HK2: variants seen among roughly 807,000 people sequenced by gnomAD.
The protein encoded by HK2 is hexokinase 2.
In HK2, 42 loss-of-function variants were observed where a neutral mutation model predicts 92.9. That is an observed-to-expected ratio of 0.45 (90% confidence interval 0.35 to 0.58). The LOEUF is 0.58. Ranked by LOEUF, HK2 falls within the 20% of genes least tolerant of loss-of-function variation. The pLI, the probability that HK2 is intolerant of heterozygous loss-of-function variation, is 0.00. For synonymous variants in HK2, 422 were observed against 468.0 expected (o/e 0.90, Z 1.27); for missense variants, 978 against 1,245.1 (o/e 0.79, Z 3.23).
chr2:74,861,755 G>C (rs1051525976), intron 2 of HK2, among the ~76,000 whole-genome samples: 1 of 152,192 alleles, frequency 6.6e-6, no homozygotes, highest in Admixed American at 6.5e-5. Flanking sequence ...AGTTGGCTTT[G>C]TATCATTCCA....
At chr2:74,853,686 G>A (rs1283866354) in intron 1 of HK2, among the ~76,000 whole-genome samples, 3 of 150,142 alleles carry the variant, frequency 2.0e-5, no homozygotes, top group African/African-American at 4.9e-5. Flanking sequence ...CAACTGGAGC[G>A]ATACCCTGTC....
Position 74,877,279 on chromosome 2 carries a change from A to T in HK2, c.989A>T (p.Asn330Ile), listed in dbSNP as rs1689257142. Residue 330 changes from asparagine (N) to isoleucine (I), a missense_variant, in exon 8 of 18, where the codon AAC (asparagine) becomes ATC (isoleucine). Transcript: ENST00000290573. ...FGGKLSPELL[N>I]TGRFETKDIS... ...GGGAAGCTCAGCCCAGAGCTTCTCA[A>T]CACCGGTCGCTTTGAGACCAAAGAC... The T allele has an allele frequency of 1.9e-6, 3 of 1,614,176 alleles. No individual in the cohort carries two copies. The highest frequency in any genetic ancestry group is 2.5e-6 in the Non-Finnish European group (3 of 1,180,034).
intron 1 of HK2, among the ~76,000 whole-genome samples, chr2:74,847,449 G>A (rs982983254): frequency 6.6e-6 from 1 of 152,114 alleles, no homozygotes; most frequent in Non-Finnish European, 1.5e-5. Context: ...AGGCCAAGAT[G>A]GAAGGATTGC....
In HK2 at chr2:74,892,803, G is replaced by T. The variant is rs1381797114; in HGVS notation, c.*1862G>T. On this transcript the variant is annotated 3_prime_UTR_variant, in exon 18 of 18. Coordinates refer to ENST00000290573, the MANE Select transcript of HK2 (RefSeq NM_000189.5). ...CCCAGGTCCTCCCGGGAGCACAGAG[G>T]GGCTAGGGGCTGGTCCTTCTCGTTT... is the stretch of plus-strand genomic sequence containing the variant. 6.6e-6 allele frequency: 1 copy of T among 152,138 alleles called. No homozygotes were observed. The highest frequency in any genetic ancestry group is 1.5e-5 in the Non-Finnish European group (1 of 68,030). 9.4% of individuals were successfully genotyped at this position (152,138 alleles called of 1,614,324 possible).
intron 1 of HK2, among the ~76,000 whole-genome samples, chr2:74,840,833 C>T (rs986533782): frequency 3.7e-5 from 5 of 136,150 alleles, no homozygotes; most frequent in Admixed American, 8.3e-5. Context: ...GAGCTGAGAT[C>T]GCACCAATGC....
intron 7 of HK2, among the ~76,000 whole-genome samples, chr2:74,875,160 A>C (rs1689195316): frequency 6.6e-6 from 1 of 152,172 alleles, no homozygotes; most frequent in Admixed American, 6.5e-5. Context: ...TGAAACAGGG[A>C]TTGCTTCAAG....
At chr2:74,870,776 C>A (rs549639343) in intron 3 of HK2, among the ~76,000 whole-genome samples, 15 of 152,290 alleles carry the variant, frequency 9.8e-5, no homozygotes, top group Non-Finnish European at 2.2e-4. Context: ...CACTGGTGAT[C>A]CCCATGGCAA....
Position 74,892,853 on chromosome 2 carries a change from G to A in HK2, c.*1912G>A, listed in dbSNP as rs553520125. The A allele has an allele frequency of 6.6e-6, 1 of 152,270 alleles. No homozygotes were observed. Among genetic ancestry groups the A allele is most frequent in the South Asian group, 2.1e-4 (1 of 4,822 alleles). The allele number at this position is 152,270 out of a possible 1,614,324, so 9.4% of individuals were successfully genotyped here. ...TGCTCTAGTCTTGCTTTGCTGTCTG[G>A]TGTAGCTCCTCTGCTGCTCCCATCT... On this transcript the variant is annotated 3_prime_UTR_variant, in exon 18 of 18. Transcript: ENST00000290573.
At position 74,867,659 on chromosome 2, in the gene HK2, G is replaced by C; in HGVS notation, c.250G>C (p.Asp84His). Residue 84 changes from aspartate (D) to histidine (H), a missense_variant, in exon 3 of 18, where the codon GAT (aspartate) becomes CAT (histidine). Physicochemically the swap from Asp to His is moderately conservative, Grantham distance 81. Around this residue, in one of 3 missense-constraint regions of HK2, gnomAD observed 189 missense variants for 289.5 expected, o/e 0.65. Transcript: ENST00000290573. Reference sequence around the variant, plus strand: ...AGAACACGGAGAGTTCCTGGCTCTGGATCTTGGAGGGACCAACTTCCGTGT... The same window carrying C: ...AGAACACGGAGAGTTCCTGGCTCTGCATCTTGGAGGGACCAACTTCCGTGT... ...GTEHGEFLAL[D>H]LGGTNFRVLW... The C allele has an allele frequency of 6.2e-7, 1 of 1,613,742 alleles. No homozygotes were observed. Among genetic ancestry groups the C allele is most frequent in the Non-Finnish European group, 8.5e-7 (1 of 1,180,012 alleles).
chr2:74,877,026 AC>A, intron 7 of HK2, 139 bp from the exon 8 acceptor site: 1 of 1,129,170 alleles, frequency 8.9e-7, no homozygotes, highest in South Asian at 1.3e-5. Context: ...TCACCTCTCC[AC>A]GTATCTTACT....
chr2:74,885,768 C>A (rs749291418), intron 13 of HK2, among the ~76,000 whole-genome samples, 179 bp downstream of exon 13: 2 of 151,476 alleles, frequency 1.3e-5, no homozygotes, highest in Non-Finnish European at 2.9e-5. Context: ...TCAGCACTGG[C>A]GGTTCAGGAG....
At chr2:74,857,287 T>C (rs1459331042) in intron 2 of HK2, among the ~76,000 whole-genome samples, 3 of 152,248 alleles carry the variant, frequency 2.0e-5, no homozygotes, top group Non-Finnish European at 4.4e-5. Flanking sequence ...ACTAGAACTA[T>C]TGTGCTAGTC....
In HK2 at chr2:74,886,676, A is replaced by G; in HGVS notation, c.2219+3A>G. 1 of 1,613,840 alleles carries G rather than the reference A, an allele frequency of 6.2e-7. No homozygotes were observed. Among genetic ancestry groups the G allele is most frequent in the Non-Finnish European group, 8.5e-7 (1 of 1,179,948 alleles). On this transcript the variant is annotated splice_donor_region_variant and intron_variant, in intron 15 of 17. Transcript: ENST00000290573. ...TCACTCAACCCCGGCAAGCAGAGGTAGGCACCCAACTGGGGCCCTGTTAAG... is the reference window on the plus strand; with the variant it reads ...TCACTCAACCCCGGCAAGCAGAGGTGGGCACCCAACTGGGGCCCTGTTAAG...
At chr2:74,887,814 G>A (rs1162938144) in intron 15 of HK2, 89 bp from the exon 16 acceptor site, 9 of 1,196,358 alleles carry the variant, frequency 7.5e-6, no homozygotes, top group South Asian at 7.3e-5. Flanking sequence ...CACTGCTGAT[G>A]CACTGGGGGT....
chr2:74,838,099 A>AT, intron 1 of HK2, among the ~76,000 whole-genome samples: 1 of 152,242 alleles, frequency 6.6e-6, no homozygotes, highest in South Asian at 2.1e-4. Context: ...GTGTGCCAAC[A>AT]TTAGTGTGTT....
At chr2:74,837,087 C>T (rs1055335654) in intron 1 of HK2, among the ~76,000 whole-genome samples, 2 of 152,210 alleles carry the variant, frequency 1.3e-5, no homozygotes, top group Non-Finnish European at 2.9e-5. Flanking sequence ...GTGTACCTGG[C>T]ACTGTTCTAA....
chr2:74,845,899 C>T (rs1337358310), intron 1 of HK2, among the ~76,000 whole-genome samples: 2 of 152,242 alleles, frequency 1.3e-5, no homozygotes, highest in Admixed American at 1.3e-4. Context: ...GCTCTTTGTA[C>T]AGCCTCAGCC....
chr2:74,889,515 T>C, intron 17 of HK2, 37 bp downstream of exon 17: 2 of 1,330,852 alleles, frequency 1.5e-6, no homozygotes, highest in Non-Finnish European at 1.1e-6. Context: ...GCCTACCTTC[T>C]TTCTGTCTTT....
chr2:74,873,395 G>A lies in HK2; in HGVS notation c.591+24G>A, dbSNP rs778210162. 24 of 1,549,700 alleles carry A rather than the reference G, an allele frequency of 1.5e-5. 1 individual carries two copies. The South Asian group carries it at 2.3e-4, about 15-fold the overall frequency. Reference sequence around the variant, plus strand: ...GGGTGAGTGGGGTGGCAGGAGCTTGGGGTCTGTGGGCTTTTCTGGGTCCAC... The same window carrying A: ...GGGTGAGTGGGGTGGCAGGAGCTTGAGGTCTGTGGGCTTTTCTGGGTCCAC... On this transcript the variant is annotated intron_variant, in intron 5 of 17. Transcript: ENST00000290573.
Sources: gnomAD v4.1 joint callset for allele counts (sites outside exome capture counted in the v4.1 genomes callset) on GRCh38, gnomAD v4.1.1 for gene constraint, gnomAD v4.1.1 regional missense constraint, MANE v1.5 for transcripts, NCBI Gene and HGNC (gene_info 2026-07-23, HGNC 2026-07-21) for gene names.